Variants in FABP12 observed in about 807,000 individuals in gnomAD.
FABP12 encodes fatty acid-binding protein 12.
In FABP12, 19 loss-of-function variants were observed where a neutral mutation model predicts 13.7. That is an observed-to-expected ratio of 1.39 (90% CI 0.97 to 2.04). The LOEUF is 2.04. FABP12 is among the 30% of genes most tolerant of loss of function. The probability of loss-of-function intolerance (pLI) is 0.00; values close to 1 mark genes in which losing one functional copy is unlikely to be tolerated. For synonymous variants in FABP12, 61 were observed against 57.0 expected (o/e 1.07, Z -0.32); for missense variants, 182 against 164.2 (o/e 1.11, Z -0.59).
chr8:81,528,104 G>A (rs1382936247), intron 3 of FABP12, among the ~76,000 whole-genome samples: 8 of 152,038 alleles, frequency 5.3e-5, no homozygotes. Flanking sequence ...TTTGGAGATA[G>A]GGTATCACTG....
At chr8:81,527,910 G>A (rs7009098) in intron 3 of FABP12, among the ~76,000 whole-genome samples, 23,107 of 151,806 alleles carry the variant, frequency 0.15, 3,331 homozygotes, top group African/African-American at 0.39. Flanking sequence ...AATGAGCCAA[G>A]ATTGTACCAC....
chr8:81,554,943 A>C (rs1253012398), intron 1 of FABP12, among the ~76,000 whole-genome samples: 1 of 152,146 alleles, frequency 6.6e-6, no homozygotes, highest in Admixed American at 6.6e-5. Context: ...TCTAAGATAA[A>C]GTGGTTCTGA....
intron 1 of FABP12, among the ~76,000 whole-genome samples, chr8:81,584,582 C>A (rs1435617680): frequency 7.1e-5 from 1 of 14,074 alleles, no homozygotes; most frequent in African/African-American, 1.9e-4. Flanking sequence ...GGCTTCCCAC[C>A]CTGACCCAAT....
At chr8:81,525,550 A>T (rs1030538653) in intron 4 of FABP12, among the ~76,000 whole-genome samples, 2 of 147,484 alleles carry the variant, frequency 1.4e-5, no homozygotes, top group African/African-American at 5.3e-5. Context: ...AGATAGATAG[A>T]TAGATGATAG....
chr8:81,525,255 C>T, intron 4 of FABP12, 135 bp from the exon 5 acceptor site: 4 of 586,806 alleles, frequency 6.8e-6, no homozygotes, highest in South Asian at 6.3e-5. Context: ...GTGGCTCACA[C>T]CTGTAATCCC....
chr8:81,563,683 A>G (rs1394653483), intron 1 of FABP12, among the ~76,000 whole-genome samples: 1 of 152,226 alleles, frequency 6.6e-6, no homozygotes, highest in Non-Finnish European at 1.5e-5. Flanking sequence ...CAGAACTGAT[A>G]AAGCAAAAGA....
exon 1 of FABP12, among the ~76,000 whole-genome samples, chr8:81,533,938 C>T (rs753524559): frequency 5.9e-5 from 9 of 152,130 alleles, no homozygotes; most frequent in Admixed American, 2.0e-4. Flanking sequence ...CTTCCAGATA[C>T]ATTGTTACTT....
intron 1 of FABP12, among the ~76,000 whole-genome samples, chr8:81,554,237 C>T (rs752283938): frequency 1.3e-5 from 2 of 152,020 alleles, no homozygotes; most frequent in African/African-American, 2.4e-5. Flanking sequence ...CAAACAATAC[C>T]GTCTGTATTT....
intron 1 of FABP12, among the ~76,000 whole-genome samples, chr8:81,559,886 A>G (rs1003977839): frequency 6.6e-5 from 10 of 152,234 alleles, no homozygotes; most frequent in African/African-American, 1.7e-4. Context: ...CTACTGAACC[A>G]TAATTCACAA....
chr8:81,545,438 T>C (rs1809421438), intron 1 of FABP12, among the ~76,000 whole-genome samples: 2 of 152,224 alleles, frequency 1.3e-5, no homozygotes, highest in South Asian at 4.1e-4. Flanking sequence ...TTTCAATTAA[T>C]GAGTGTTTTT....
upstream of FABP12, among the ~76,000 whole-genome samples, chr8:81,534,186 C>T (rs1199508866): frequency 1.3e-5 from 2 of 152,044 alleles, no homozygotes; most frequent in Non-Finnish European, 2.9e-5. Context: ...CCTCCAGCAC[C>T]GTGGAGTTTA....
At chr8:81,528,394 A>G (rs1808965997) in intron 3 of FABP12, among the ~76,000 whole-genome samples, 1 of 152,138 alleles carries the variant, frequency 6.6e-6, no homozygotes, top group South Asian at 2.1e-4. Flanking sequence ...TTTTTATTCT[A>G]GTAGATTTTT....
chr8:81,555,440 C>T (rs987100200), intron 1 of FABP12, among the ~76,000 whole-genome samples: 1 of 152,050 alleles, frequency 6.6e-6, no homozygotes, highest in Non-Finnish European at 1.5e-5. Context: ...CAAATGGTTC[C>T]AATTTTTCTT....
chr8:81,551,988 G>A (rs1157855488), intron 1 of FABP12, among the ~76,000 whole-genome samples: 1 of 152,050 alleles, frequency 6.6e-6, no homozygotes, highest in Non-Finnish European at 1.5e-5. Flanking sequence ...CAAGGCAAAC[G>A]AGGTCCTTGT....
chr8:81,540,812 A>G (rs6473284), intron 1 of FABP12, among the ~76,000 whole-genome samples: 39,952 of 152,082 alleles, frequency 0.26, 6,642 homozygotes, highest in African/African-American at 0.49. Context: ...GATGAAGGGT[A>G]TGTGGGAGCT....
At chr8:81,554,573 G>T (rs924844560) in intron 1 of FABP12, among the ~76,000 whole-genome samples, 4 of 152,226 alleles carry the variant, frequency 2.6e-5, no homozygotes, top group South Asian at 4.1e-4. Context: ...CATTCTACTT[G>T]TGTAGGAGCT....
upstream of FABP12, among the ~76,000 whole-genome samples, chr8:81,538,036 G>A (rs1382141827): frequency 6.6e-6 from 1 of 152,190 alleles, no homozygotes; most frequent in East Asian, 1.9e-4. Flanking sequence ...GAGGGCCTCA[G>A]GAAGCTTACA....
chr8:81,575,558 AGTCC>A (rs1336519402), intron 1 of FABP12, among the ~76,000 whole-genome samples: 1 of 152,138 alleles, frequency 6.6e-6, no homozygotes, highest in African/African-American at 2.4e-5. Context: ...GGAGTATTGA[AGTCC>A]CCCACTATTA....
intron 1 of FABP12, among the ~76,000 whole-genome samples, chr8:81,549,378 A>T (rs989735643): frequency 1.3e-5 from 2 of 152,182 alleles, no homozygotes; most frequent in African/African-American, 4.8e-5. Flanking sequence ...CTTGGTCTTT[A>T]TCTGATTGTA....
Sources: allele counts gnomAD v4.1 joint callset (sites outside exome capture counted in the v4.1 genomes callset), GRCh38; gene constraint gnomAD v4.1.1; transcripts MANE v1.5; gene names NCBI Gene and HGNC (gene_info 2026-07-23, HGNC 2026-07-21).